EXOC4: variants seen among roughly 807,000 people sequenced by gnomAD.
EXOC4 encodes exocyst complex component 4.
A neutral mutation model predicts 107.2 loss-of-function variants in EXOC4; 71 were observed. The ratio of observed to expected loss-of-function variants is 0.66; its 90% CI spans 0.55 to 0.81. The LOEUF (loss-of-function observed/expected upper bound fraction) is 0.81. EXOC4 is among the 30% of genes least tolerant of loss of function. EXOC4 has a pLI of 0.00. For synonymous variants in EXOC4, 456 were observed against 441.2 expected (o/e 1.03, Z -0.42); for missense variants, 1,108 against 1,189.6 (o/e 0.93, Z 1.01).
chr7:133,819,121 A>T (rs1284235474), intron 11 of EXOC4, among the ~76,000 whole-genome samples: 1 of 151,998 alleles, frequency 6.6e-6, no homozygotes, highest in Non-Finnish European at 1.5e-5. Context: ...GGACTCTGGC[A>T]ATGTCATTTC....
At chr7:133,416,542 A>G (rs942915673) in intron 7 of EXOC4, among the ~76,000 whole-genome samples, 2 of 152,180 alleles carry the variant, frequency 1.3e-5, no homozygotes, top group Admixed American at 6.5e-5. Context: ...TATCTTGAAA[A>G]AGAACTTTAT....
intron 9 of EXOC4, among the ~76,000 whole-genome samples, chr7:133,506,500 C>T (rs1003666985): frequency 6.6e-6 from 1 of 152,048 alleles, no homozygotes; most frequent in Non-Finnish European, 1.5e-5. Flanking sequence ...GTTGGGATTT[C>T]ACACAGACAT....
chr7:133,779,664 G>A (rs1410028800), intron 10 of EXOC4, among the ~76,000 whole-genome samples: 2 of 152,020 alleles, frequency 1.3e-5, no homozygotes, highest in African/African-American at 4.8e-5. Context: ...CTATCTAGGG[G>A]TTTGTAAAAT....
chr7:133,388,337 A>T (rs1796774467), intron 7 of EXOC4, among the ~76,000 whole-genome samples: 1 of 152,162 alleles, frequency 6.6e-6, no homozygotes, highest in African/African-American at 2.4e-5. Context: ...AAAAAATAAG[A>T]ACTCTCTTTT....
At chr7:133,379,522 A>T (rs1236461203) in intron 7 of EXOC4, among the ~76,000 whole-genome samples, 4 of 152,152 alleles carry the variant, frequency 2.6e-5, no homozygotes, top group Non-Finnish European at 5.9e-5. Context: ...TTTAGAATAT[A>T]TAAATGTAAT....
At chr7:133,644,883 C>G (rs751649710) in intron 10 of EXOC4, among the ~76,000 whole-genome samples, 25 of 151,962 alleles carry the variant, frequency 1.6e-4, no homozygotes, top group Non-Finnish European at 3.2e-4. Context: ...TTTTAAGCAT[C>G]ATTTCCTTCA....
chr7:133,571,682 A>G (rs1446179204), intron 9 of EXOC4, among the ~76,000 whole-genome samples: 5 of 147,628 alleles, frequency 3.4e-5, no homozygotes, highest in Non-Finnish European at 6.0e-5. Context: ...CTCAAAGCAA[A>G]AAAAAAAAAA....
intron 7 of EXOC4, among the ~76,000 whole-genome samples, chr7:133,435,684 C>A (rs1359833538): frequency 6.6e-6 from 1 of 152,104 alleles, no homozygotes; most frequent in Non-Finnish European, 1.5e-5. Context: ...ACCTAAAACA[C>A]CTTTATTGTA....
At chr7:133,260,149 T>G (rs1269874216) in intron 1 of EXOC4, among the ~76,000 whole-genome samples, 1 of 152,250 alleles carries the variant, frequency 6.6e-6, no homozygotes, top group Non-Finnish European at 1.5e-5. Context: ...TTACTTTATA[T>G]GTGTGGGTTT....
At chr7:133,588,998 G>C (rs1334195531) in intron 9 of EXOC4, among the ~76,000 whole-genome samples, 1 of 151,758 alleles carries the variant, frequency 6.6e-6, no homozygotes, top group Non-Finnish European at 1.5e-5. Context: ...ACACACAAAG[G>C]GGACTTCAAA....
chr7:133,808,297 A>C (rs1015139467), intron 10 of EXOC4, among the ~76,000 whole-genome samples: 4 of 152,180 alleles, frequency 2.6e-5, no homozygotes, highest in Non-Finnish European at 4.4e-5. Flanking sequence ...TAAGAGGCAA[A>C]CGTGCTCCAA....
intron 10 of EXOC4, among the ~76,000 whole-genome samples, chr7:133,808,963 C>G (rs1034104871): frequency 1.3e-5 from 2 of 151,808 alleles, no homozygotes; most frequent in East Asian, 3.9e-4. Context: ...GTTAGTGTTT[C>G]ATTCTCATTC....
intron 7 of EXOC4, among the ~76,000 whole-genome samples, chr7:133,383,812 C>T (rs557068063): frequency 6.6e-6 from 1 of 152,234 alleles, no homozygotes; most frequent in African/African-American, 2.4e-5. Context: ...CGTCATTTCT[C>T]AGCCTATAAA....
chr7:133,877,977 G>A (rs901939274), intron 11 of EXOC4, among the ~76,000 whole-genome samples: 2 of 152,078 alleles, frequency 1.3e-5, no homozygotes, highest in African/African-American at 2.4e-5. Context: ...GAGGGCTCAC[G>A]TCATTTGTTT....
intron 9 of EXOC4, among the ~76,000 whole-genome samples, chr7:133,499,272 A>C (rs2150885145): frequency 6.6e-6 from 1 of 152,292 alleles, no homozygotes; most frequent in African/African-American, 2.4e-5. Context: ...GTCAGGGACC[A>C]AGTCAGTATA....
chr7:133,438,322 G>GTTTGTACAT (rs1164645930), intron 7 of EXOC4, among the ~76,000 whole-genome samples: 1 of 152,072 alleles, frequency 6.6e-6, no homozygotes, highest in African/African-American at 2.4e-5. Flanking sequence ...ATTCTTTAAT[G>GTTTGTACAT]TTTGTACATT....
chr7:134,047,546 A>G (rs1210485991), intron 17 of EXOC4, among the ~76,000 whole-genome samples: 4 of 152,130 alleles, frequency 2.6e-5, no homozygotes, highest in Non-Finnish European at 2.9e-5. Context: ...CCATTCTACA[A>G]CTAAGAATCT....
At chr7:133,648,563 T>C (rs1271056193) in intron 10 of EXOC4, among the ~76,000 whole-genome samples, 2 of 152,150 alleles carry the variant, frequency 1.3e-5, no homozygotes, top group Non-Finnish European at 2.9e-5. Context: ...GTCCTTATTT[T>C]ATAGTAGGAT....
chr7:133,693,222 G>A (rs1008190682), intron 10 of EXOC4, among the ~76,000 whole-genome samples: 3 of 152,206 alleles, frequency 2.0e-5, no homozygotes, highest in Non-Finnish European at 2.9e-5. Flanking sequence ...CCAAAGGTCC[G>A]ATAGCCCCTG....
Sources: allele counts gnomAD v4.1 joint callset (sites outside exome capture counted in the v4.1 genomes callset), GRCh38; gene constraint gnomAD v4.1.1; transcripts MANE v1.5; gene names NCBI Gene and HGNC (gene_info 2026-07-23, HGNC 2026-07-21).